The following DSCAML1 variants were observed in gnomAD, a reference collection of about 807,000 sequenced individuals.
DSCAML1 encodes DS cell adhesion molecule like 1.
In DSCAML1, 38 loss-of-function variants were observed where a neutral mutation model predicts 200.5. That is an observed-to-expected ratio of 0.19 (90% CI 0.15 to 0.25). The LOEUF (loss-of-function observed/expected upper bound fraction) is 0.25. Among genes scored for constraint, DSCAML1 ranks in the 10% least tolerant of loss-of-function variants. The pLI, the probability that DSCAML1 is intolerant of heterozygous loss-of-function variation, is 1.00. For missense variants in DSCAML1, 2,223 were observed against 2,858.8 expected (o/e 0.78, Z 5.07); for synonymous variants, 1,215 against 1,165.0 (o/e 1.04, Z -0.87).
At chr11:117,728,701 A>C (rs998536735) in intron 3 of DSCAML1, among the ~76,000 whole-genome samples, 5 of 152,236 alleles carry the variant, frequency 3.3e-5, no homozygotes, top group African/African-American at 1.2e-4. Flanking sequence ...AGCATCCAAA[A>C]AGAATACATT....
rs58257943 is a variant in DSCAML1, at chr11:117,649,041, A to ATGTGTG, written c.512-116525_512-116520dup. On this transcript the variant is annotated intron_variant, in intron 3 of 32. Transcript: ENST00000651296. ...TCTCGCTCTCTCTCTCTCCATATATATGTGTGTGTGTGTGTGTGTGTGTGT... is the reference window on the plus strand; with the variant it reads ...TCTCGCTCTCTCTCTCTCCATATATATGTGTGTGTGTGTGTGTGTGTGTGTGTGTGT... Among the ~76,000 whole-genome samples the ATGTGTG allele has an allele frequency of 8.0e-4, 110 of 137,916 alleles. 1 individual carries two copies. In the South Asian group the frequency reaches 9.8e-3, roughly 12 times the overall value. The allele number at this position is 137,916 out of a possible 152,430, so 90.5% of individuals were successfully genotyped here.
intron 3 of DSCAML1, among the ~76,000 whole-genome samples, chr11:117,713,391 C>T (rs1329203556): frequency 6.6e-6 from 1 of 152,210 alleles, no homozygotes; most frequent in Admixed American, 6.5e-5. Context: ...GCTAGGATTA[C>T]AGGCATGAGC....
chr11:117,428,176 T>C lies in DSCAML1; in HGVS notation c.*152A>G, dbSNP rs989306130. The C allele has an allele frequency of 3.9e-5, 23 of 588,968 alleles. No homozygotes were observed. Among genetic ancestry groups the C allele is most frequent in the Non-Finnish European group, 3.0e-6 (1 of 328,756 alleles). The allele number at this position is 588,968 out of a possible 1,614,324, so 36.5% of individuals were successfully genotyped here. A position where few individuals can be genotyped will look rare whatever the true frequency, so the allele number is the denominator to read the frequency against. Reference sequence around the variant, plus strand: ...TAGTTTCATTTGTACAAAAGAGTTCTATGTACAGGCGTTCATGATTGGGGG... The same window carrying C: ...TAGTTTCATTTGTACAAAAGAGTTCCATGTACAGGCGTTCATGATTGGGGG... On this transcript the variant is annotated 3_prime_UTR_variant, in exon 33 of 33. Coordinates refer to ENST00000651296, the MANE Select transcript of DSCAML1 (RefSeq NM_020693.4).
chr11:117,768,544 G>A (rs1030007144), intron 3 of DSCAML1, among the ~76,000 whole-genome samples: 1 of 152,156 alleles, frequency 6.6e-6, no homozygotes, highest in Non-Finnish European at 1.5e-5. Context: ...AAGACAGGGC[G>A]AGGGAGGTGA....
intron 1 of DSCAML1, 102 bp downstream of exon 1, chr11:117,796,932 T>C: frequency 4.5e-6 from 4 of 893,872 alleles, no homozygotes; most frequent in Non-Finnish European, 5.9e-6. Context: ...CCCCGGTCGG[T>C]TCCCCCACGC....
At chr11:117,459,943 G>A (rs2048446580) in intron 18 of DSCAML1, among the ~76,000 whole-genome samples, 1 of 152,264 alleles carries the variant, frequency 6.6e-6, no homozygotes, top group Non-Finnish European at 1.5e-5. Context: ...GTCAGTGAAG[G>A]AGGACCCTCG....
chr11:117,675,470 ATTTTTTTTTTTTTTT>A (rs533948278), intron 3 of DSCAML1, among the ~76,000 whole-genome samples: 14 of 96,904 alleles, frequency 1.4e-4, no homozygotes, highest in Non-Finnish European at 2.3e-4. Flanking sequence ...GCTGATTGAA[ATTTTTTTTTTTTTTT>A]TTTTTTTTTT....
In DSCAML1 at chr11:117,463,114, C is replaced by T. The variant is rs939400836; in HGVS notation, c.3266-1518G>A. Among the ~76,000 whole-genome samples the T allele has an allele frequency of 2.6e-5, 4 of 152,214 alleles. No homozygotes were observed. Among genetic ancestry groups the T allele is most frequent in the Admixed American group, 2.0e-4 (3 of 15,282 alleles). On this transcript the variant is annotated intron_variant, in intron 17 of 32. Coordinates refer to ENST00000651296, the MANE Select transcript of DSCAML1 (RefSeq NM_020693.4). This position sits in a 1 kb window ranked among gnomAD's most constrained non-coding sequence, Gnocchi z 4.0. ...ACCTTCCTAAAGCCTCCTGCATCTG[C>T]GTCACTTGTTCGTGCATCCAGCCTT...
intron 3 of DSCAML1, among the ~76,000 whole-genome samples, chr11:117,690,951 A>G (rs1354405193): frequency 6.6e-6 from 1 of 152,176 alleles, no homozygotes; most frequent in East Asian, 1.9e-4. Flanking sequence ...CTAAAACCTC[A>G]AACCAAAACA....
chr11:117,795,642 A>C (rs2055558296), intron 1 of DSCAML1, among the ~76,000 whole-genome samples: 1 of 152,142 alleles, frequency 6.6e-6, no homozygotes, highest in African/African-American at 2.4e-5. Context: ...CTTGTCCCGC[A>C]ATCCGATCGC....
chr11:117,517,404 A>T (rs368074472), intron 7 of DSCAML1, among the ~76,000 whole-genome samples: 16 of 152,264 alleles, frequency 1.1e-4, no homozygotes, highest in African/African-American at 3.9e-4. Flanking sequence ...ACCAAGCAAG[A>T]CAGTGCTCCA....
At chr11:117,546,135 A>C (rs1293998636) in intron 3 of DSCAML1, among the ~76,000 whole-genome samples, 1 of 152,226 alleles carries the variant, frequency 6.6e-6, no homozygotes, top group Admixed American at 6.5e-5. Flanking sequence ...AGGTCCCACC[A>C]TCTTTATCTC....
intron 16 of DSCAML1, among the ~76,000 whole-genome samples, chr11:117,467,317 G>A (rs770421390): frequency 3.3e-5 from 5 of 150,968 alleles, no homozygotes; most frequent in Non-Finnish European, 5.9e-5. Flanking sequence ...ATTTAGATCC[G>A]CAAATAGAAA....
Position 117,471,760 on chromosome 11 carries a change from G to C in DSCAML1, c.2953+109C>G, listed in dbSNP as rs142831146. The C allele has an allele frequency of 1.1e-3, 1,282 of 1,183,850 alleles. 9 individuals are homozygous for C. The highest frequency in any genetic ancestry group is 9.0e-3 in the African/African-American group (563 of 62,656). The allele number at this position is 1,183,850 out of a possible 1,614,324, so 73.3% of individuals were successfully genotyped here. A position where few individuals can be genotyped will look rare whatever the true frequency, so the allele number is the denominator to read the frequency against. On this transcript the variant is annotated intron_variant, in intron 15 of 32. Coordinates refer to ENST00000651296, the MANE Select transcript of DSCAML1 (RefSeq NM_020693.4). The stretch of plus-strand genomic sequence containing the variant: ...CATCTGTTAGGATGCTTTTCCCCAC[G>C]CCACCCCCTTTAACTGCAAGCTCAT...
At chr11:117,682,279 G>C (rs1313644051) in intron 3 of DSCAML1, among the ~76,000 whole-genome samples, 1 of 152,130 alleles carries the variant, frequency 6.6e-6, no homozygotes, top group African/African-American at 2.4e-5. Context: ...TGCCTGTCCA[G>C]CCCTGTCCAG....
At chr11:117,770,994 G>T (rs1427075687) in intron 3 of DSCAML1, among the ~76,000 whole-genome samples, 14 of 152,162 alleles carry the variant, frequency 9.2e-5, no homozygotes, top group Admixed American at 7.9e-4. Context: ...AGACAGCATT[G>T]GTCTAGGCCT....
At chr11:117,577,491 TTCCTTCC>T (rs1565801683) in intron 3 of DSCAML1, among the ~76,000 whole-genome samples, 4,731 of 60,842 alleles carry the variant, frequency 0.078, 214 homozygotes, top group African/African-American at 0.13. Flanking sequence ...CCTTCCTTCC[TTCCTTCC>T]TTCCTTCCCT....
At chr11:117,485,773 A>G (rs1470529532) in intron 11 of DSCAML1, among the ~76,000 whole-genome samples, 3 of 152,258 alleles carry the variant, frequency 2.0e-5, no homozygotes, top group Non-Finnish European at 4.4e-5. Context: ...AAAAAAGCCT[A>G]GGTCTGTGGC....
chr11:117,585,520 AC>A (rs1043485891), intron 3 of DSCAML1, among the ~76,000 whole-genome samples: 1 of 152,188 alleles, frequency 6.6e-6, no homozygotes, highest in Admixed American at 6.5e-5. Flanking sequence ...TGCTGGGATT[AC>A]AGGTGTGAGC....
Sources: allele counts gnomAD v4.1 joint callset (sites outside exome capture counted in the v4.1 genomes callset), GRCh38; gene constraint gnomAD v4.1.1; non-coding constraint Gnocchi (gnomAD v3.1); transcripts MANE v1.5; gene names NCBI Gene and HGNC (gene_info 2026-07-23, HGNC 2026-07-21).